SNX29: variants seen among roughly 807,000 people sequenced by gnomAD.
SNX29 encodes the protein sorting nexin 29, also known as sorting nexin-29.
SNX29 carries 78 observed loss-of-function variants against 102.1 expected under a neutral mutation model. That is an observed-to-expected ratio of 0.76 (90% CI 0.64 to 0.92). The LOEUF is 0.92. SNX29 is among the 40% of genes least tolerant of loss of function. SNX29 has a pLI of 0.00. For missense variants in SNX29, 1,280 were observed against 1,061.7 expected, an observed-to-expected ratio of 1.21 and a Z score of -2.86; for synonymous variants, 580 against 414.5, an observed-to-expected ratio of 1.40 and a Z score of -4.85.
intron 18 of SNX29, among the ~76,000 whole-genome samples, chr16:12,453,242 A>G (rs1183318720): frequency 6.6e-6 from 1 of 152,168 alleles, no homozygotes; most frequent in African/African-American, 2.4e-5. Context: ...CCAATCAATC[A>G]CAGACTTTCT....
At chr16:12,559,136 G>A (rs1048273439) in intron 20 of SNX29, among the ~76,000 whole-genome samples, 5 of 152,098 alleles carry the variant, frequency 3.3e-5, no homozygotes, top group African/African-American at 9.7e-5. Flanking sequence ...TCCCTCTTCT[G>A]GTCCCCAACC....
At chr16:12,067,239 AT>A (rs2051079386) in intron 9 of SNX29, among the ~76,000 whole-genome samples, 1 of 152,088 alleles carries the variant, frequency 6.6e-6, no homozygotes, top group East Asian at 1.9e-4. Context: ...GAGTCAGTAA[AT>A]AACTTGATGG....
chr16:12,424,938 C>T (rs375338899), intron 18 of SNX29, among the ~76,000 whole-genome samples: 6 of 152,294 alleles, frequency 3.9e-5, no homozygotes, highest in African/African-American at 1.2e-4. Context: ...CTAACATGCC[C>T]GTCCATAGAC....
chr16:12,372,640 TATA>T (rs1186995341), intron 16 of SNX29: 2 of 152,172 alleles, frequency 1.3e-5, no homozygotes, highest in African/African-American at 4.8e-5. Context: ...AGGTATCAAG[TATA>T]ATGATGGCAC....
intron 20 of SNX29, among the ~76,000 whole-genome samples, chr16:12,562,210 G>A (rs959589574): frequency 1.3e-5 from 2 of 152,162 alleles, no homozygotes; most frequent in Admixed American, 6.5e-5. Context: ...AGTGAACCCT[G>A]CTGGAGGTGG....
At chr16:12,513,181 A>C (rs1597679745) in intron 19 of SNX29, among the ~76,000 whole-genome samples, 3 of 126,964 alleles carry the variant, frequency 2.4e-5, no homozygotes, top group Admixed American at 8.0e-5. Flanking sequence ...TCCCTCCCAT[A>C]CCTTTCCTCC....
At chr16:12,539,119 A>C (rs1013537216) in intron 20 of SNX29, among the ~76,000 whole-genome samples, 1 of 152,216 alleles carries the variant, frequency 6.6e-6, no homozygotes, top group African/African-American at 2.4e-5. Flanking sequence ...TACTTTCACA[A>C]AAAATTTTTA....
chr16:12,307,138 G>A (rs1300094751), intron 15 of SNX29, among the ~76,000 whole-genome samples: 1 of 152,124 alleles, frequency 6.6e-6, no homozygotes, highest in African/African-American at 2.4e-5. Context: ...ATGGATTTCA[G>A]AATAGTGCTC....
intron 20 of SNX29, among the ~76,000 whole-genome samples, chr16:12,552,548 A>G (rs1389254457): frequency 2.0e-5 from 3 of 152,202 alleles, no homozygotes; most frequent in South Asian, 2.1e-4. Context: ...TGTCCCCAGC[A>G]CTGGCACACA....
At chr16:12,058,843 A>G (rs1397380155) in intron 8 of SNX29, among the ~76,000 whole-genome samples, 15 of 110,724 alleles carry the variant, frequency 1.4e-4, no homozygotes, top group African/African-American at 3.8e-4. Flanking sequence ...CCCAGGCTGG[A>G]GGAAGTGGTA....
chr16:12,246,502 G>A (rs551394887), intron 14 of SNX29, among the ~76,000 whole-genome samples: 1 of 152,266 alleles, frequency 6.6e-6, no homozygotes, highest in Non-Finnish European at 1.5e-5. Flanking sequence ...TTAGCTGGGT[G>A]TAGTGGCACA....
chr16:12,556,242 C>T (rs1388047006), intron 20 of SNX29: 1 of 152,144 alleles, frequency 6.6e-6, no homozygotes, highest in Non-Finnish European at 1.5e-5. Flanking sequence ...TTCATGGCGT[C>T]ACACCCCACC....
chr16:12,559,573 ACT>A (rs1013126512), intron 20 of SNX29, among the ~76,000 whole-genome samples: 13 of 151,802 alleles, frequency 8.6e-5, no homozygotes, highest in African/African-American at 2.7e-4. Context: ...CTTATACATA[ACT>A]CATCCCTGGT....
At position 12,538,477 on chromosome 16, in the gene SNX29, T is replaced by G. The variant is rs77427287; in HGVS notation, c.2318+13636T>G. On this transcript the variant is annotated intron_variant, in intron 20 of 20. Coordinates refer to ENST00000566228, the MANE Select transcript of SNX29 (RefSeq NM_032167.5). ...TATCACGTATCTCCTATGTTGATGCTGTGTAACATACATCTATGATACTTT... is the reference window on the plus strand; with the variant it reads ...TATCACGTATCTCCTATGTTGATGCGGTGTAACATACATCTATGATACTTT... Among the ~76,000 whole-genome samples, 1,334 of 152,302 alleles carry G rather than the reference T, an allele frequency of 8.8e-3. 34 individuals are homozygous for G. Among genetic ancestry groups the G allele is most frequent in the African/African-American group, 0.031 (1,274 of 41,552 alleles).
At position 12,470,822 on chromosome 16, in the gene SNX29, G is replaced by A. The variant is rs138535754; in HGVS notation, c.2038-6897G>A. 3.9e-5 allele frequency among the ~76,000 whole-genome samples: 6 copies of A among 152,312 alleles called. No homozygotes were observed. In the East Asian group the frequency reaches 5.8e-4, roughly 15 times the overall value. On this transcript the variant is annotated intron_variant, in intron 18 of 20. Transcript: ENST00000566228. ...GAAGTTCATATACACAAAGGCAGCC[G>A]ATGATGAAGGTGATAAGGGTTACAA... is the stretch of plus-strand genomic sequence containing the variant.
At chr16:12,079,149 C>G (rs533603564) in intron 11 of SNX29, among the ~76,000 whole-genome samples, 83 of 152,302 alleles carry the variant, frequency 5.4e-4, no homozygotes, top group African/African-American at 1.9e-3. Context: ...GCAGCCTTGC[C>G]GTAGACTTCT....
At chr16:11,994,112 A>G (rs958265226) in intron 1 of SNX29, among the ~76,000 whole-genome samples, 2 of 152,056 alleles carry the variant, frequency 1.3e-5, no homozygotes, top group African/African-American at 4.8e-5. Context: ...CAAGAGCAAG[A>G]CTCCGTCTAC....
chr16:12,023,079 T>C (rs1268680343), intron 3 of SNX29, among the ~76,000 whole-genome samples: 1 of 151,914 alleles, frequency 6.6e-6, no homozygotes, highest in African/African-American at 2.4e-5. Context: ...CTGTTTTTAG[T>C]AGAGTTGAGA....
chr16:12,223,039 C>G (rs2077518843), intron 14 of SNX29, among the ~76,000 whole-genome samples: 1 of 152,196 alleles, frequency 6.6e-6, no homozygotes, highest in Non-Finnish European at 1.5e-5. Context: ...ATTTGGGACT[C>G]TGGCTCTTGT....
Sources: gnomAD v4.1 joint callset for allele counts (sites outside exome capture counted in the v4.1 genomes callset) on GRCh38, gnomAD v4.1.1 for gene constraint, MANE v1.5 for transcripts, NCBI Gene and HGNC (gene_info 2026-07-23, HGNC 2026-07-21) for gene names.